AP3B1: variants seen among roughly 807,000 people sequenced by gnomAD.
AP3B1 encodes the protein adaptor related protein complex 3 subunit beta 1, also known as AP-3 complex subunit beta-1.
Under a neutral mutation model 132.5 loss-of-function variants are expected in AP3B1, and 61 were observed. The observed-to-expected ratio is 0.46, with a 90% confidence interval of 0.37 to 0.57. AP3B1 has a LOEUF of 0.57. Among genes scored for constraint, AP3B1 ranks in the 20% least tolerant of loss-of-function variants. The pLI is 0.00. For missense variants in AP3B1, 1,120 were observed against 1,289.4 expected (o/e 0.87, Z 2.01); for synonymous variants, 388 against 438.3 (o/e 0.89, Z 1.43).
At chr5:78,266,114 T>C (rs897115092) in intron 2 of AP3B1, among the ~76,000 whole-genome samples, 1 of 152,328 alleles carries the variant, frequency 6.6e-6, no homozygotes, top group South Asian at 2.1e-4. Context: ...TACAAGTTAT[T>C]TGTAGAATGA....
intron 7 of AP3B1, among the ~76,000 whole-genome samples, chr5:78,198,075 C>A (rs974072887): frequency 6.6e-6 from 1 of 152,112 alleles, no homozygotes; most frequent in African/African-American, 2.4e-5. Context: ...AATTATTATT[C>A]TTTATCCTGT....
At chr5:78,119,079 G>T (rs77184498) in intron 17 of AP3B1, among the ~76,000 whole-genome samples, 2 of 152,210 alleles carry the variant, frequency 1.3e-5, no homozygotes, top group African/African-American at 4.8e-5. Flanking sequence ...CCAGGCAACA[G>T]GGTCTGGAGT....
At chr5:78,292,584 C>A (rs757245733) in intron 1 of AP3B1, among the ~76,000 whole-genome samples, 2 of 152,104 alleles carry the variant, frequency 1.3e-5, no homozygotes, top group Non-Finnish European at 2.9e-5. Flanking sequence ...AATTTCCTCA[C>A]GTGTAAAGTG....
chr5:78,165,948 C>T (rs1743600787), intron 11 of AP3B1, among the ~76,000 whole-genome samples: 1 of 151,922 alleles, frequency 6.6e-6, no homozygotes, highest in Admixed American at 6.6e-5. Flanking sequence ...CATGGTGGTG[C>T]ATGCCTGTAA....
chr5:78,075,930 C>T (rs1015840261), intron 22 of AP3B1, among the ~76,000 whole-genome samples: 1 of 152,100 alleles, frequency 6.6e-6, no homozygotes, highest in African/African-American at 2.4e-5. Flanking sequence ...GCGAAGAGTA[C>T]GGACTATGAA....
chr5:78,003,203 ATTC>A (rs1746256715), intron 26 of AP3B1, 148 bp from the exon 27 acceptor site: 1 of 911,410 alleles, frequency 1.1e-6, no homozygotes, highest in Non-Finnish European at 1.6e-6. Context: ...AAAGCCAAGC[ATTC>A]TTCTGAAAAA....
chr5:78,010,961 T>G (rs1342477622), intron 26 of AP3B1, among the ~76,000 whole-genome samples: 1 of 152,174 alleles, frequency 6.6e-6, no homozygotes, highest in African/African-American at 2.4e-5. Flanking sequence ...AACTTCTCAT[T>G]TTTGTAATAC....
intron 15 of AP3B1, among the ~76,000 whole-genome samples, chr5:78,139,939 G>A (rs1753074706): frequency 6.6e-6 from 1 of 152,076 alleles, no homozygotes; most frequent in Non-Finnish European, 1.5e-5. Flanking sequence ...AACAAAGAGA[G>A]GGGAGGTGGA....
chr5:78,072,301 CAAT>C (rs1188887420), intron 22 of AP3B1, among the ~76,000 whole-genome samples: 1 of 152,134 alleles, frequency 6.6e-6, no homozygotes, highest in African/African-American at 2.4e-5. Context: ...AGAAAACATA[CAAT>C]ATTATCACAT....
intron 1 of AP3B1, among the ~76,000 whole-genome samples, chr5:78,272,176 G>GA (rs772605338): frequency 1.7e-3 from 258 of 152,264 alleles, no homozygotes; most frequent in Non-Finnish European, 2.6e-3. Flanking sequence ...TTGCCAATCA[G>GA]AAAATCTTTA....
At chr5:78,096,530 G>A (rs1200568942) in intron 21 of AP3B1, among the ~76,000 whole-genome samples, 1 of 151,642 alleles carries the variant, frequency 6.6e-6, no homozygotes, top group Non-Finnish European at 1.5e-5. Flanking sequence ...AGTGAGGAGC[G>A]TCTCTGCCCG....
intron 17 of AP3B1, among the ~76,000 whole-genome samples, chr5:78,117,157 A>G (rs928242252): frequency 1.7e-5 from 2 of 117,280 alleles, no homozygotes; most frequent in East Asian, 4.8e-4. Context: ...CACTTCCAAC[A>G]CCATTCCCCA....
intron 21 of AP3B1, among the ~76,000 whole-genome samples, chr5:78,094,312 A>G (rs550840092): frequency 6.6e-6 from 1 of 152,366 alleles, no homozygotes; most frequent in South Asian, 2.1e-4. Flanking sequence ...TTTCTTATGT[A>G]TTGTTAACTG....
At chr5:78,234,825 A>G (rs1218454681) in intron 3 of AP3B1, among the ~76,000 whole-genome samples, 1 of 152,230 alleles carries the variant, frequency 6.6e-6, no homozygotes, top group Non-Finnish European at 1.5e-5. Flanking sequence ...AGAGTGCTAC[A>G]TCTAGGATCT....
rs185014852 is a variant in AP3B1, at chr5:78,256,868, C to T, written c.204+10652G>A. On this transcript the variant is annotated intron_variant, in intron 2 of 26. Coordinates refer to ENST00000255194, the MANE Select transcript of AP3B1 (RefSeq NM_003664.5). ...TGGGATGCAAGGATGCTTCAACATA[C>T]ACAAATCAATCAATGTGATACATCA... Among the ~76,000 whole-genome samples the T allele has an allele frequency of 9.9e-5, 15 of 152,186 alleles. No individual in the cohort carries two copies. In the East Asian group the frequency reaches 2.7e-3, roughly 27 times the overall value.
intron 1 of AP3B1, among the ~76,000 whole-genome samples, chr5:78,282,693 A>G (rs1749110011): frequency 6.6e-6 from 1 of 152,188 alleles, no homozygotes; most frequent in African/African-American, 2.4e-5. Flanking sequence ...CTAAAATTAT[A>G]ATAGCTTAAA....
At chr5:78,073,295 G>T (rs909465547) in intron 22 of AP3B1, among the ~76,000 whole-genome samples, 3 of 152,102 alleles carry the variant, frequency 2.0e-5, no homozygotes, top group Non-Finnish European at 4.4e-5. Context: ...ACCATGCCCT[G>T]CCCTGTGTTC....
chr5:78,035,156 T>G (rs1056624812), intron 23 of AP3B1, among the ~76,000 whole-genome samples: 1 of 151,944 alleles, frequency 6.6e-6, no homozygotes, highest in Non-Finnish European at 1.5e-5. Context: ...ATACAGTATT[T>G]TTTTTCAGTT....
At chr5:78,006,347 T>A (rs535579621) in intron 26 of AP3B1, among the ~76,000 whole-genome samples, 1 of 152,346 alleles carries the variant, frequency 6.6e-6, no homozygotes, top group African/African-American at 2.4e-5. Context: ...AGTCAACAGA[T>A]AAAGTTTTTC....
Sources: allele counts gnomAD v4.1 joint callset (sites outside exome capture counted in the v4.1 genomes callset), GRCh38; gene constraint gnomAD v4.1.1; transcripts MANE v1.5; gene names NCBI Gene and HGNC (gene_info 2026-07-23, HGNC 2026-07-21).